The following KRTAP4-3 variants were observed in gnomAD, a reference collection of about 807,000 sequenced individuals.
KRTAP4-3 encodes the protein keratin associated protein 4-3.
KRTAP4-3 carries 2 observed loss-of-function variants against 0.2 expected under a neutral mutation model. The observed-to-expected ratio is 8.29, with a 90% CI of 3.39 to 26.09. The LOEUF (loss-of-function observed/expected upper bound fraction) is 26.09, where lower values mean the gene tolerates loss of function less well. Among genes scored for constraint, KRTAP4-3 ranks in the 30% most tolerant of loss-of-function variants. The pLI is 0.03. For synonymous variants in KRTAP4-3, 65 were observed against 83.6 expected (o/e 0.78, Z 1.21); for missense variants, 186 against 247.4 (o/e 0.75, Z 1.67).
chr17:41,168,144 C>T lies in KRTAP4-3; in HGVS notation c.29G>A (p.Cys10Tyr). 1 of 1,610,880 alleles carries T rather than the reference C, an allele frequency of 6.2e-7. No individual in the cohort carries two copies. The change falls in exon 1 of 1, where the codon TGC becomes TAC. Residue 10 changes from cysteine (C) to tyrosine (Y), a missense_variant. By Grantham distance (194) the Cys-to-Tyr change is radical (BLOSUM62 -2). Around this residue, in one of 3 missense-constraint regions of KRTAP4-3, gnomAD observed 39 missense variants for 54.0 expected, o/e 0.72. Coordinates refer to ENST00000391356, the MANE Select transcript of KRTAP4-3 (RefSeq NM_033187.2). Reference sequence around the variant, plus strand: ...ACCTTGACCACAGCTCTGGTCAGAGCAGACAGAGCCACAGCAGGAGCTGAC... The same window carrying T: ...ACCTTGACCACAGCTCTGGTCAGAGTAGACAGAGCCACAGCAGGAGCTGAC... MVSSCCGSV[C>Y]SDQSCGQGLG...
rs1461133330 is a variant in KRTAP4-3, at chr17:41,167,447, A to G, written c.*138T>C. ...AAAACTTCTATAAAAGAGAATACATACTAATAAAATATTTTCCAAATCAGT... is the reference window on the plus strand; with the variant it reads ...AAAACTTCTATAAAAGAGAATACATGCTAATAAAATATTTTCCAAATCAGT... On this transcript the variant is annotated 3_prime_UTR_variant, in exon 1 of 1. Coordinates refer to ENST00000391356, the MANE Select transcript of KRTAP4-3 (RefSeq NM_033187.2). The G allele has an allele frequency of 3.1e-6, 2 of 645,508 alleles. No individual in the cohort carries two copies. Among genetic ancestry groups the G allele is most frequent in the Non-Finnish European group, 5.3e-6 (2 of 375,790 alleles). The allele number at this position is 645,508 out of a possible 1,614,324, so 40.0% of individuals were successfully genotyped here.
In KRTAP4-3 at chr17:41,167,516, T is replaced by G; in HGVS notation, c.*69A>C. 7.9e-7 allele frequency: 1 copy of G among 1,267,326 alleles called. No individual in the cohort carries two copies. Among genetic ancestry groups the G allele is most frequent in the South Asian group, 1.4e-5 (1 of 70,182 alleles). 78.5% of individuals were successfully genotyped at this position (1,267,326 alleles called of 1,614,324 possible). A position where few individuals can be genotyped will look rare whatever the true frequency, so the allele number is the denominator to read the frequency against. On this transcript the variant is annotated 3_prime_UTR_variant, in exon 1 of 1. Coordinates refer to ENST00000391356, the MANE Select transcript of KRTAP4-3 (RefSeq NM_033187.2). ...GACATCAGGAAGTCCACATGTTCTC[T>G]GAATAGATACTCTGTGCCTGAACTG...
In KRTAP4-3 at chr17:41,167,312, G is replaced by T. The variant is rs878888309; in HGVS notation, c.*273C>A. ...TTGATACCACAGAAAACATTAGGAA[G>T]AAACATCTAGAAGGATACCATTTGA... is the stretch of plus-strand genomic sequence containing the variant. On this transcript the variant is annotated 3_prime_UTR_variant, in exon 1 of 1. Coordinates refer to ENST00000391356, the MANE Select transcript of KRTAP4-3 (RefSeq NM_033187.2). 4 of 344,080 alleles carry T rather than the reference G, an allele frequency of 1.2e-5. No homozygotes were observed. In the South Asian group the frequency reaches 3.8e-4, roughly 33 times the overall value. The allele number at this position is 344,080 out of a possible 1,614,324, so 21.3% of individuals were successfully genotyped here.
chr17:41,168,189 G>A lies in KRTAP4-3; in HGVS notation c.-17C>T. 1.3e-6 allele frequency: 2 copies of A among 1,582,756 alleles called. No individual in the cohort carries two copies. The highest frequency in any genetic ancestry group is 1.7e-6 in the Non-Finnish European group (2 of 1,162,482). On this transcript the variant is annotated 5_prime_UTR_variant, in exon 1 of 1. Coordinates refer to ENST00000391356, the MANE Select transcript of KRTAP4-3 (RefSeq NM_033187.2). Reference sequence around the variant, plus strand: ...GCTGACCATGGCGTCAGAGGGTGGAGGTTCTGGGTGGGTTCCCAGGAGAAT... The same window carrying A: ...GCTGACCATGGCGTCAGAGGGTGGAAGTTCTGGGTGGGTTCCCAGGAGAAT...
rs413638 is a variant in KRTAP4-3, at chr17:41,167,550, G to A, written c.*35C>T. Reference sequence around the variant, plus strand: ...ACTCTGTGCCTGAACTGAAGGTTGAGAGCAAGAAGGTGCACAAATCCAGAG... The same window carrying A: ...ACTCTGTGCCTGAACTGAAGGTTGAAAGCAAGAAGGTGCACAAATCCAGAG... On this transcript the variant is annotated 3_prime_UTR_variant, in exon 1 of 1. Transcript: ENST00000391356. 1 of 1,517,270 alleles carries A rather than the reference G, an allele frequency of 6.6e-7. No homozygotes were observed. The highest frequency in any genetic ancestry group is 2.3e-5 in the East Asian group (1 of 44,214). The allele number at this position is 1,517,270 out of a possible 1,614,324, so 94.0% of individuals were successfully genotyped here. A position where few individuals can be genotyped will look rare whatever the true frequency, so the allele number is the denominator to read the frequency against.
rs772535808 is a variant in KRTAP4-3, at chr17:41,167,501, A to G, written c.*84T>C. On this transcript the variant is annotated 3_prime_UTR_variant, in exon 1 of 1. Coordinates refer to ENST00000391356, the MANE Select transcript of KRTAP4-3 (RefSeq NM_033187.2). ...TGCCTCTGTTTTCACGACATCAGGA[A>G]GTCCACATGTTCTCTGAATAGATAC... 1 of 1,060,616 alleles carries G rather than the reference A, an allele frequency of 9.4e-7. No individual in the cohort carries two copies. The highest frequency in any genetic ancestry group is 1.4e-6 in the Non-Finnish European group (1 of 724,430). 65.7% of individuals were successfully genotyped at this position (1,060,616 alleles called of 1,614,324 possible).
Position 41,167,550 on chromosome 17 carries a change from G to T in KRTAP4-3, c.*35C>A. The T allele has an allele frequency of 6.6e-7, 1 of 1,517,268 alleles. No homozygotes were observed. The highest frequency in any genetic ancestry group is 1.2e-5 in the South Asian group (1 of 81,322). The allele number at this position is 1,517,268 out of a possible 1,614,324, so 94.0% of individuals were successfully genotyped here. The stretch of plus-strand genomic sequence containing the variant: ...ACTCTGTGCCTGAACTGAAGGTTGA[G>T]AGCAAGAAGGTGCACAAATCCAGAG... On this transcript the variant is annotated 3_prime_UTR_variant, in exon 1 of 1. Transcript: ENST00000391356.
rs1395349243 is a variant in KRTAP4-3 at position 41,167,493 on chromosome 17, C to T, written c.*92G>A. The T allele has an allele frequency of 2.0e-6, 2 of 1,006,216 alleles. No homozygotes were observed. Among genetic ancestry groups the T allele is most frequent in the Non-Finnish European group, 2.9e-6 (2 of 679,244 alleles). The allele number at this position is 1,006,216 out of a possible 1,614,324, so 62.3% of individuals were successfully genotyped here. On this transcript the variant is annotated 3_prime_UTR_variant, in exon 1 of 1. Transcript: ENST00000391356. ...TCAGTCCATGCCTCTGTTTTCACGA[C>T]ATCAGGAAGTCCACATGTTCTCTGA...
Position 41,168,143 on chromosome 17 carries a change from G to A in KRTAP4-3, c.30C>T (p.Cys10=), listed in dbSNP as rs1323906858. MVSSCCGSV[C]SDQSCGQGLG... ...GACCTTGACCACAGCTCTGGTCAGA[G>A]CAGACAGAGCCACAGCAGGAGCTGA... The change falls in exon 1 of 1, where the codon TGC becomes TGT. Residue 10 remains cysteine, a synonymous_variant. Transcript: ENST00000391356. 6.2e-7 allele frequency: 1 copy of A among 1,611,730 alleles called. No homozygotes were observed. The highest frequency in any genetic ancestry group is 8.5e-7 in the Non-Finnish European group (1 of 1,178,280).
rs2015059957 is a variant in KRTAP4-3, at chr17:41,167,658, G to A, written c.515C>T (p.Pro172Leu). Residue 172 changes from proline (P) to leucine (L), a missense_variant, in exon 1 of 1, where the codon CCT (proline) becomes CTT (leucine). Coordinates refer to ENST00000391356, the MANE Select transcript of KRTAP4-3 (RefSeq NM_033187.2). ...ACAGCAGGTGGTCGGGCAGCTGAAA[G>A]GGCAGCGGCAGCTGGACACACAGCA... ...PSCCVSSCRC[P>L]FSCPTTCCRT... The A allele has an allele frequency of 6.2e-7, 1 of 1,614,110 alleles. No individual in the cohort carries two copies. The highest frequency in any genetic ancestry group is 1.7e-5 in the Admixed American group (1 of 60,020).
In KRTAP4-3 at chr17:41,167,348, A is replaced by G; in HGVS notation, c.*237T>C. ...AAGGATACCATTTGAAGATTTATGT[A>G]TATTGAATTAGAATAAAGAATTCTA... On this transcript the variant is annotated 3_prime_UTR_variant, in exon 1 of 1. Coordinates refer to ENST00000391356, the MANE Select transcript of KRTAP4-3 (RefSeq NM_033187.2). 2.2e-6 allele frequency: 1 copy of G among 449,994 alleles called. No individual in the cohort carries two copies. Among genetic ancestry groups the G allele is most frequent in the Non-Finnish European group, 3.9e-6 (1 of 256,280 alleles). The allele number at this position is 449,994 out of a possible 1,614,324, so 27.9% of individuals were successfully genotyped here. A position where few individuals can be genotyped will look rare whatever the true frequency, so the allele number is the denominator to read the frequency against.
At position 41,167,384 on chromosome 17, in the gene KRTAP4-3, T is replaced by C. The variant is rs2015055932; in HGVS notation, c.*201A>G. On this transcript the variant is annotated 3_prime_UTR_variant, in exon 1 of 1. Coordinates refer to ENST00000391356, the MANE Select transcript of KRTAP4-3 (RefSeq NM_033187.2). ...GAATAAAGAATTCTAAAACATGTGA[T>C]GTGGAATTTGACTGTAAATTCAGAT... 5 of 509,946 alleles carry C rather than the reference T, an allele frequency of 9.8e-6. No homozygotes were observed. Among genetic ancestry groups the C allele is most frequent in the East Asian group, 3.0e-5 (1 of 32,822 alleles). The allele number at this position is 509,946 out of a possible 1,614,324, so 31.6% of individuals were successfully genotyped here.
rs757623740 is a variant in KRTAP4-3, at chr17:41,168,201, G to C, written c.-29C>G. 2 of 1,563,316 alleles carry C rather than the reference G, an allele frequency of 1.3e-6. No individual in the cohort carries two copies. Among genetic ancestry groups the C allele is most frequent in the African/African-American group, 2.7e-5 (2 of 73,512 alleles). ...GTCAGAGGGTGGAGGTTCTGGGTGG[G>C]TTCCCAGGAGAATGAGGTTCTGGAG... On this transcript the variant is annotated 5_prime_UTR_variant, in exon 1 of 1. Transcript: ENST00000391356.
Position 41,167,432 on chromosome 17 carries a change from T to C in KRTAP4-3, c.*153A>G. 2 of 591,546 alleles carry C rather than the reference T, an allele frequency of 3.4e-6. No homozygotes were observed. Among genetic ancestry groups the C allele is most frequent in the South Asian group, 2.9e-5 (1 of 34,314 alleles). The allele number at this position is 591,546 out of a possible 1,614,324, so 36.6% of individuals were successfully genotyped here. On this transcript the variant is annotated 3_prime_UTR_variant, in exon 1 of 1. Transcript: ENST00000391356. ...GATTCAATAGGAATAAAAACTTCTA[T>C]AAAAGAGAATACATACTAATAAAAT... is the stretch of plus-strand genomic sequence containing the variant.
rs543200021 is a variant in KRTAP4-3, at chr17:41,167,559, G to A, written c.*26C>T. On this transcript the variant is annotated 3_prime_UTR_variant, in exon 1 of 1. Transcript: ENST00000391356. Reference sequence around the variant, plus strand: ...CTGAACTGAAGGTTGAGAGCAAGAAGGTGCACAAATCCAGAGCAGCTTCAC... The same window carrying A: ...CTGAACTGAAGGTTGAGAGCAAGAAAGTGCACAAATCCAGAGCAGCTTCAC... 1.5e-5 allele frequency: 24 copies of A among 1,550,232 alleles called. No individual in the cohort carries two copies. The African/African-American group carries it at 3.1e-4, about 20-fold the overall frequency.
chr17:41,167,754 T>A lies in KRTAP4-3; in HGVS notation c.419A>T (p.Tyr140Phe), dbSNP rs1238367652. ...GGAGGGCTGGCAGCACTGGGGCCTGTAGCAGCTGGAGATACAGCAGCTGGG... is the reference window on the plus strand; with the variant it reads ...GGAGGGCTGGCAGCACTGGGGCCTGAAGCAGCTGGAGATACAGCAGCTGGG... ...CRPSCCISSC[Y>F]RPQCCQPSCC... The change falls in exon 1 of 1, where the codon TAC becomes TTC. Residue 140 changes from tyrosine to phenylalanine, a missense_variant. This residue lies in a region of KRTAP4-3 where 139 missense variants were observed against 128.3 expected (regional missense o/e 1.08). Coordinates refer to ENST00000391356, the MANE Select transcript of KRTAP4-3 (RefSeq NM_033187.2). 1 of 1,612,946 alleles carries A rather than the reference T, an allele frequency of 6.2e-7. No individual in the cohort carries two copies. Among genetic ancestry groups the A allele is most frequent in the Non-Finnish European group, 8.5e-7 (1 of 1,179,682 alleles).
Position 41,168,168 on chromosome 17 carries a change from AC to A in KRTAP4-3, c.4del (p.Val2SerfsTer196). ...GCAGACAGAGCCACAGCAGGAGCTG[AC>A]CATGGCGTCAGAGGGTGGAGGTTCT... M[V>X]SSCCGSVCSD... On this transcript the variant is annotated frameshift_variant, in exon 1 of 1. Coordinates refer to ENST00000391356, the MANE Select transcript of KRTAP4-3 (RefSeq NM_033187.2). LOFTEE classifies it low-confidence loss of function (END_TRUNC). The A allele has an allele frequency of 6.2e-7, 1 of 1,601,966 alleles. No homozygotes were observed. Among genetic ancestry groups the A allele is most frequent in the Non-Finnish European group, 8.5e-7 (1 of 1,172,304 alleles).
rs2015058910 is a variant in KRTAP4-3, at chr17:41,167,605, A to G, written c.568T>C (p.Cys190Arg). ...TTCACTCAGCAGCAAGAACTGCCGC[A>G]GCAGATGGGGTGGAAGCAGGTTGTT... ...CRTTCFHPICCGSSCC is the reference protein window; with the variant it reads ...CRTTCFHPICRGSSCC Residue 190 changes from cysteine (C) to arginine (R), a missense_variant, in exon 1 of 1, where the codon TGC becomes CGC. Physicochemically the swap from Cys to Arg is radical, Grantham distance 180. Coordinates refer to ENST00000391356, the MANE Select transcript of KRTAP4-3 (RefSeq NM_033187.2). 2 of 1,607,690 alleles carry G rather than the reference A, an allele frequency of 1.2e-6. No individual in the cohort carries two copies. The highest frequency in any genetic ancestry group is 2.7e-5 in the African/African-American group (2 of 74,864).
rs2015060401 is a variant in KRTAP4-3, at chr17:41,167,674, A to T, written c.499T>A (p.Ser167Thr). ...SSCCHPSCCV[S>T]SCRCPFSCPT... ...CAGCTGAAAGGGCAGCGGCAGCTGG[A>T]CACACAGCAGCTGGGATGACAGCAA... The change falls in exon 1 of 1, where the codon TCC (serine) becomes ACC (threonine). Residue 167 changes from serine to threonine, a missense_variant. This residue lies in a region of KRTAP4-3 where 139 missense variants were observed against 128.3 expected (regional missense o/e 1.08). Coordinates refer to ENST00000391356, the MANE Select transcript of KRTAP4-3 (RefSeq NM_033187.2). The T allele has an allele frequency of 2.5e-6, 4 of 1,613,946 alleles. No individual in the cohort carries two copies. Among genetic ancestry groups the T allele is most frequent in the African/African-American group, 1.3e-5 (1 of 74,940 alleles).
Sources: allele counts gnomAD v4.1 joint callset, GRCh38; gene constraint gnomAD v4.1.1; regional missense constraint gnomAD v4.1.1; transcripts MANE v1.5; gene names NCBI Gene and HGNC (gene_info 2026-07-23, HGNC 2026-07-21).